Variants in RANBP3L observed in about 807,000 individuals in gnomAD.
RANBP3L encodes the protein RAN binding protein 3 like, also known as ran-binding protein 3-like.
A neutral mutation model predicts 67.2 loss-of-function variants in RANBP3L; 56 were observed. The observed-to-expected ratio is 0.83, with a 90% CI of 0.67 to 1.04. The LOEUF (loss-of-function observed/expected upper bound fraction) is 1.04, where lower values mean the gene tolerates loss of function less well. Ranked by LOEUF, RANBP3L falls within the 50% of genes least tolerant of loss-of-function variation. RANBP3L has a pLI of 0.00. For synonymous variants in RANBP3L, 164 were observed against 181.4 expected (o/e 0.90, Z 0.77); for missense variants, 496 against 535.5 (o/e 0.93, Z 0.73).
chr5:36,285,999 C>T (rs1412866687), intron 1 of RANBP3L, among the ~76,000 whole-genome samples: 2 of 152,136 alleles, frequency 1.3e-5, no homozygotes, highest in African/African-American at 4.8e-5. Context: ...CATTAATGAG[C>T]AGGATAATTC....
intron 8 of RANBP3L, among the ~76,000 whole-genome samples, chr5:36,260,360 C>CAAAAAAA (rs1276517049): frequency 1.3e-5 from 1 of 79,002 alleles, no homozygotes; most frequent in African/African-American, 5.3e-5. Flanking sequence ...GACTCTGTCT[C>CAAAAAAA]AAAAAAAAAA....
At position 36,265,011 on chromosome 5, in the gene RANBP3L, A is replaced by C. The variant is rs1561109315; in HGVS notation, c.428T>G (p.Phe143Cys). The part of the protein sequence containing the change: ...ARSCAKVRKT[F>C]GHKALESCKT... The stretch of plus-strand genomic sequence containing the variant: ...GCAAGATTCCAGTGCCTTGTGTCCA[A>C]ATGTTTTTCTTACTTTTGCACAACT... The change falls in exon 6 of 14, where the codon TTT (phenylalanine) becomes TGT (cysteine). Residue 143 changes from phenylalanine (F) to cysteine (C), a missense_variant. By Grantham distance (205) the Phe-to-Cys change is radical. Transcript: ENST00000296604. 1 of 1,613,902 alleles carries C rather than the reference A, an allele frequency of 6.2e-7. No individual in the cohort carries two copies.
In RANBP3L at chr5:36,269,957, C is replaced by G; in HGVS notation, c.184G>C (p.Glu62Gln). Residue 62 changes from glutamate to glutamine, a missense_variant, in exon 3 of 14, where the codon GAA (glutamate) becomes CAA (glutamine). Coordinates refer to ENST00000296604, the MANE Select transcript of RANBP3L (RefSeq NM_145000.5). The part of the protein sequence containing the change: ...PAEDTLYEAA[E>Q]PECNGFPTKR... ...ACAGGATGAAAATCATTACCTGGTT[C>G]TGCTGCTTCATACAGGGTGTCTTCT... The G allele has an allele frequency of 6.2e-7, 1 of 1,613,280 alleles. No individual in the cohort carries two copies. Among genetic ancestry groups the G allele is most frequent in the African/African-American group, 1.3e-5 (1 of 75,034 alleles).
At chr5:36,249,870 T>A (rs1166187955) in intron 13 of RANBP3L, among the ~76,000 whole-genome samples, 173 bp from the exon 14 acceptor site, 1 of 152,018 alleles carries the variant, frequency 6.6e-6, no homozygotes, top group South Asian at 2.1e-4. Flanking sequence ...AAAATTTTAA[T>A]CATGCCTCTT....
rs571828862 is a variant in RANBP3L at position 36,283,915 on chromosome 5, C to T, written c.92-12604G>A. Among the ~76,000 whole-genome samples the T allele has an allele frequency of 5.3e-5, 8 of 152,134 alleles. No individual in the cohort carries two copies. In the East Asian group the frequency reaches 1.5e-3, roughly 29 times the overall value. On this transcript the variant is annotated intron_variant, in intron 1 of 13. Coordinates refer to ENST00000296604, the MANE Select transcript of RANBP3L (RefSeq NM_145000.5). ...AGCTTCAGCCCATCCTGCCACGATA[C>T]AGGTCATACTTAAAAATCTCTTCTT...
rs538945943 is a variant in RANBP3L, at chr5:36,272,770, G to A, written c.92-1459C>T. 3.4e-4 allele frequency among the ~76,000 whole-genome samples: 52 copies of A among 152,104 alleles called. No individual in the cohort carries two copies. In the South Asian group the frequency reaches 8.5e-3, roughly 25 times the overall value. The stretch of plus-strand genomic sequence containing the variant: ...AGCGATTCTCCTGCCTCAGCCTCCC[G>A]AATAGCTGAGATTACAGGCATGTGT... On this transcript the variant is annotated intron_variant, in intron 1 of 13. Transcript: ENST00000296604.
chr5:36,292,786 C>T (rs1326625582), intron 1 of RANBP3L, among the ~76,000 whole-genome samples: 5 of 152,156 alleles, frequency 3.3e-5, no homozygotes, highest in Non-Finnish European at 7.3e-5. Flanking sequence ...CAGTACCATG[C>T]TGTTTTGGTT....
rs529938842 is a variant in RANBP3L at position 36,268,177 on chromosome 5, A to G, written c.268+1213T>C. The G allele has an allele frequency of 5.1e-5, 76 of 1,496,726 alleles. 1 individual carries two copies. The South Asian group carries it at 8.6e-4, about 17-fold the overall frequency. The allele number at this position is 1,496,726 out of a possible 1,614,324, so 92.7% of individuals were successfully genotyped here. On this transcript the variant is annotated intron_variant, in intron 4 of 13. Transcript: ENST00000296604. Reference sequence around the variant, plus strand: ...AAGTCAGTGTCAGGCTTGAGGTTCTAGAAACTCTTTATTACCTGGCCCAGA... The same window carrying G: ...AAGTCAGTGTCAGGCTTGAGGTTCTGGAAACTCTTTATTACCTGGCCCAGA...
At chr5:36,282,305 A>G (rs1751026780) in intron 1 of RANBP3L, among the ~76,000 whole-genome samples, 1 of 152,202 alleles carries the variant, frequency 6.6e-6, no homozygotes, top group Non-Finnish European at 1.5e-5. Flanking sequence ...GTCTTCTCAA[A>G]GTTAATTTTA....
chr5:36,279,465 G>A (rs535554196), intron 1 of RANBP3L, among the ~76,000 whole-genome samples: 1 of 152,236 alleles, frequency 6.6e-6, no homozygotes, highest in African/African-American at 2.4e-5. Flanking sequence ...GGACACTCTG[G>A]TTCTATTTCC....
At position 36,270,010 on chromosome 5, in the gene RANBP3L, C is replaced by T. The variant is rs776619036; in HGVS notation, c.151-20G>A. On this transcript the variant is annotated intron_variant, in intron 2 of 13. Coordinates refer to ENST00000296604, the MANE Select transcript of RANBP3L (RefSeq NM_145000.5). The stretch of plus-strand genomic sequence containing the variant: ...AGGTCTCTGAAAGGAAACAAAACCA[C>T]TGAGGAGAGCTGAGTATTTGCCTTT... 6.2e-7 allele frequency: 1 copy of T among 1,606,050 alleles called. No homozygotes were observed.
rs570724313 is a variant in RANBP3L at position 36,278,580 on chromosome 5, G to A, written c.92-7269C>T. ...TCTAGTAGTCACTAGTTAGAGTAGTGACTACTAACTAGTAGAGACTAAACC... is the reference window on the plus strand; with the variant it reads ...TCTAGTAGTCACTAGTTAGAGTAGTAACTACTAACTAGTAGAGACTAAACC... On this transcript the variant is annotated intron_variant, in intron 1 of 13. Coordinates refer to ENST00000296604, the MANE Select transcript of RANBP3L (RefSeq NM_145000.5). Among the ~76,000 whole-genome samples, 27 of 152,254 alleles carry A rather than the reference G, an allele frequency of 1.8e-4. No individual in the cohort carries two copies. The South Asian group carries it at 4.1e-3, about 23-fold the overall frequency.
chr5:36,293,384 A>G (rs1199977433), intron 1 of RANBP3L, among the ~76,000 whole-genome samples: 194 of 136,784 alleles, frequency 1.4e-3, no homozygotes, highest in African/African-American at 5.1e-3. Flanking sequence ...CTAATTGAAT[A>G]CCCTTTATTT....
chr5:36,290,123 C>A (rs529535849), intron 1 of RANBP3L, among the ~76,000 whole-genome samples: 9 of 152,090 alleles, frequency 5.9e-5, no homozygotes, highest in South Asian at 2.1e-4. Context: ...ATCTTTCTGG[C>A]ACAAAGGTAT....
At position 36,247,611 on chromosome 5, in the gene RANBP3L, G is replaced by A. The variant is rs942584354; in HGVS notation, c.*2043C>T. On this transcript the variant is annotated 3_prime_UTR_variant, in exon 14 of 14. Transcript: ENST00000296604. ...CAAAAAGATAAAGATGACCAGGTGT[G>A]GTGGCTCACGCCTGTAATCCCAACA... Among the ~76,000 whole-genome samples the A allele has an allele frequency of 1.3e-5, 2 of 152,192 alleles. No homozygotes were observed. Among genetic ancestry groups the A allele is most frequent in the African/African-American group, 2.4e-5 (1 of 41,450 alleles).
At chr5:36,267,072 C>T (rs567344146) in intron 4 of RANBP3L, among the ~76,000 whole-genome samples, 1 of 152,260 alleles carries the variant, frequency 6.6e-6, no homozygotes, top group South Asian at 2.1e-4. Flanking sequence ...CTCTGTTTCT[C>T]TTAATGTCTG....
intron 4 of RANBP3L, among the ~76,000 whole-genome samples, chr5:36,266,967 C>T (rs556110018): frequency 1.1e-4 from 16 of 152,070 alleles, no homozygotes; most frequent in Non-Finnish European, 2.2e-4. Flanking sequence ...ATGTTTGCCA[C>T]GCTGGTTTCG....
At chr5:36,294,843 A>G (rs1471865043) in intron 1 of RANBP3L, among the ~76,000 whole-genome samples, 1 of 146,350 alleles carries the variant, frequency 6.8e-6, no homozygotes, top group Non-Finnish European at 1.5e-5. Context: ...TATATGACAT[A>G]TAAACATATA....
intron 1 of RANBP3L, among the ~76,000 whole-genome samples, chr5:36,300,549 T>C (rs1752542155): frequency 6.6e-6 from 1 of 152,158 alleles, no homozygotes; most frequent in Admixed American, 6.5e-5. Flanking sequence ...AGATCTATCC[T>C]AGGTTATTGA....
Sources: gnomAD v4.1 joint callset for allele counts (sites outside exome capture counted in the v4.1 genomes callset) on GRCh38, gnomAD v4.1.1 for gene constraint, MANE v1.5 for transcripts, NCBI Gene and HGNC (gene_info 2026-07-23, HGNC 2026-07-21) for gene names.